SLX9: variants seen among roughly 807,000 people sequenced by gnomAD.
SLX9 encodes SLX9 ribosome biogenesis factor, also known as ribosome biogenesis protein SLX9 homolog.
A neutral mutation model predicts 20.8 loss-of-function variants in SLX9; 19 were observed. The observed-to-expected ratio is 0.91, with a 90% CI of 0.64 to 1.34. SLX9 has a LOEUF of 1.34. Among genes scored for constraint, SLX9 ranks in the 40% most tolerant of loss-of-function variants. SLX9 has a pLI of 0.00. For missense variants in SLX9, 299 were observed against 322.2 expected (o/e 0.93, Z 0.55); for synonymous variants, 113 against 137.1 (o/e 0.82, Z 1.23).
intron 2 of SLX9, among the ~76,000 whole-genome samples, chr21:44,945,301 G>A (rs2084621955): frequency 6.6e-6 from 1 of 152,238 alleles, no homozygotes; most frequent in Admixed American, 6.5e-5. Flanking sequence ...TTCCAGCCAG[G>A]AACGCTTGAT....
chr21:44,976,160 T>G (rs1459230148), intron 5 of SLX9, among the ~76,000 whole-genome samples: 1 of 152,208 alleles, frequency 6.6e-6, no homozygotes, highest in Non-Finnish European at 1.5e-5. Context: ...GAGCAGGAGC[T>G]GAGTGGCCGC....
chr21:44,976,860 G>C lies in SLX9; in HGVS notation c.*57G>C. 1 of 1,533,496 alleles carries C rather than the reference G, an allele frequency of 6.5e-7. No individual in the cohort carries two copies. Among genetic ancestry groups the C allele is most frequent in the East Asian group, 2.4e-5 (1 of 40,904 alleles). The allele number at this position is 1,533,496 out of a possible 1,614,324, so 95.0% of individuals were successfully genotyped here. On this transcript the variant is annotated 3_prime_UTR_variant, in exon 6 of 6. Transcript: ENST00000291634. ...GACACATGTGGGCCAAGTAGAGAGC[G>C]CCGGCCCCTCAAGGACCATGGCCTG...
chr21:44,948,364 G>A (rs534311197), intron 2 of SLX9, among the ~76,000 whole-genome samples: 71 of 140,358 alleles, frequency 5.1e-4, no homozygotes, highest in Middle Eastern at 4.2e-3. Flanking sequence ...AGCATCGGGC[G>A]TCCGGGGAGC....
intron 2 of SLX9, among the ~76,000 whole-genome samples, chr21:44,957,085 G>T (rs2084872057): frequency 6.6e-6 from 1 of 152,216 alleles, no homozygotes; most frequent in Non-Finnish European, 1.5e-5. Flanking sequence ...GCCTGTACCT[G>T]CGTGCACCCA....
chr21:44,965,836 T>C (rs1199788720), intron 3 of SLX9, among the ~76,000 whole-genome samples: 1 of 152,140 alleles, frequency 6.6e-6, no homozygotes, highest in Non-Finnish European at 1.5e-5. Context: ...AGGAGCCATC[T>C]GGCCTGGCCC....
Position 44,953,232 on chromosome 21 carries a change from C to T in SLX9, c.284-6868C>T, listed in dbSNP as rs17004717. Among the ~76,000 whole-genome samples the T allele has an allele frequency of 1.0e-2, 1,517 of 152,342 alleles. 31 individuals are homozygous for T. Among genetic ancestry groups the T allele is most frequent in the African/African-American group, 0.034 (1,419 of 41,580 alleles). On this transcript the variant is annotated intron_variant, in intron 2 of 5. Coordinates refer to ENST00000291634, the MANE Select transcript of SLX9 (RefSeq NM_058190.4). ...AGGGCTATCCCTTCCTCTGTGGGCG[C>T]GTGGCCGGCCTGTCATGTTCAGGGG... is the stretch of plus-strand genomic sequence containing the variant.
At chr21:44,957,793 A>G (rs2084884899) in intron 2 of SLX9, among the ~76,000 whole-genome samples, 1 of 152,164 alleles carries the variant, frequency 6.6e-6, no homozygotes, top group African/African-American at 2.4e-5. Flanking sequence ...TGCCTCAGCC[A>G]CTGGCTGGGG....
intron 4 of SLX9, 100 bp from the exon 5 acceptor site, chr21:44,973,097 C>G: frequency 7.4e-7 from 1 of 1,359,724 alleles, no homozygotes. Flanking sequence ...CTCTGGCCAC[C>G]ACGACGTCTG....
At chr21:44,969,280 G>T (rs1315484948) in intron 4 of SLX9, 3 of 452,114 alleles carry the variant, frequency 6.6e-6, no homozygotes, top group Non-Finnish European at 1.4e-5. Context: ...CGCCCGGAGT[G>T]GCGATGTGAT....
chr21:44,943,976 C>T (rs551374461), intron 2 of SLX9, 139 bp downstream of exon 2: 38 of 1,243,622 alleles, frequency 3.1e-5, no homozygotes, highest in Non-Finnish European at 4.1e-5. Flanking sequence ...CTGGCTGTTT[C>T]TTGGGGCGAT....
At chr21:44,941,611 A>T (rs900639399) in intron 1 of SLX9, among the ~76,000 whole-genome samples, 1 of 152,174 alleles carries the variant, frequency 6.6e-6, no homozygotes, top group Non-Finnish European at 1.5e-5. Flanking sequence ...TGTCAGATTC[A>T]GCGTGTTCAC....
intron 2 of SLX9, among the ~76,000 whole-genome samples, chr21:44,949,890 G>A (rs1415528456): frequency 1.3e-5 from 2 of 152,284 alleles, no homozygotes; most frequent in South Asian, 4.1e-4. Flanking sequence ...GGTGGAGGGC[G>A]CGACCTTGGC....
Position 44,976,913 on chromosome 21 carries a change from C to T in SLX9, c.*110C>T, listed in dbSNP as rs746362114. On this transcript the variant is annotated 3_prime_UTR_variant, in exon 6 of 6. Transcript: ENST00000291634. ...CCTGGTGGACGCCCTTCCCTCTGGT[C>T]GGTTGTGGGGCTCAATAAATGGCTC... The T allele has an allele frequency of 2.4e-5, 35 of 1,439,478 alleles. No individual in the cohort carries two copies. The highest frequency in any genetic ancestry group is 2.4e-4 in the Middle Eastern group (1 of 4,166). 89.2% of individuals were successfully genotyped at this position (1,439,478 alleles called of 1,614,324 possible).
Position 44,976,740 on chromosome 21 carries a change from C to G in SLX9, c.630C>G (p.Pro210=). Residue 210 remains proline (P), a synonymous_variant, in exon 6 of 6, where the codon CCC becomes CCG. Transcript: ENST00000291634. ...LLASPAYRAS[P]LVAIGQTLAR... The stretch of plus-strand genomic sequence containing the variant: ...CCAGTCCGGCCTACAGAGCCAGCCC[C>G]CTGGTGGCCATCGGGCAGACGCTGG... 1 of 1,567,768 alleles carries G rather than the reference C, an allele frequency of 6.4e-7. No individual in the cohort carries two copies. The highest frequency in any genetic ancestry group is 8.6e-7 in the Non-Finnish European group (1 of 1,157,246).
chr21:44,976,220 G>A (rs1014481986), intron 5 of SLX9, among the ~76,000 whole-genome samples: 4 of 152,258 alleles, frequency 2.6e-5, no homozygotes, highest in Non-Finnish European at 4.4e-5. Context: ...GGTCGTCGCC[G>A]TGGCACCCAT....
chr21:44,972,732 G>A (rs2085175011), intron 4 of SLX9, among the ~76,000 whole-genome samples: 1 of 152,264 alleles, frequency 6.6e-6, no homozygotes, highest in South Asian at 2.1e-4. Flanking sequence ...TTCCTGGGAA[G>A]TGGTGTGTAC....
At chr21:44,974,851 G>A (rs1478104076) in intron 5 of SLX9, among the ~76,000 whole-genome samples, 3 of 152,190 alleles carry the variant, frequency 2.0e-5, no homozygotes, top group South Asian at 2.1e-4. Context: ...CTCCCTCTCC[G>A]CCTCTCCCCA....
chr21:44,969,453 T>C lies in SLX9; in HGVS notation c.500+2272T>C, dbSNP rs558917116. Among the ~76,000 whole-genome samples, 26 of 152,332 alleles carry C rather than the reference T, an allele frequency of 1.7e-4. No homozygotes were observed. The East Asian group carries it at 4.8e-3, about 28-fold the overall frequency. On this transcript the variant is annotated intron_variant, in intron 4 of 5. Coordinates refer to ENST00000291634, the MANE Select transcript of SLX9 (RefSeq NM_058190.4). Reference sequence around the variant, plus strand: ...CGAGGAGGATGTGCCCCTGCCTCCCTGCGGGGCTCTGGGCCGGGAAGGCAC... The same window carrying C: ...CGAGGAGGATGTGCCCCTGCCTCCCCGCGGGGCTCTGGGCCGGGAAGGCAC...
intron 2 of SLX9, among the ~76,000 whole-genome samples, chr21:44,951,838 C>T (rs542869027): frequency 0.01 from 1,582 of 152,206 alleles, 52 homozygotes; most frequent in Non-Finnish European, 0.013. Flanking sequence ...TTCAGGAGCC[C>T]TTGCTGCTCT....
Sources: gnomAD v4.1 joint callset for allele counts (sites outside exome capture counted in the v4.1 genomes callset) on GRCh38, gnomAD v4.1.1 for gene constraint, MANE v1.5 for transcripts, NCBI Gene and HGNC (gene_info 2026-07-23, HGNC 2026-07-21) for gene names.